The following KCNN1 variants were observed in gnomAD, a reference collection of about 807,000 sequenced individuals.
KCNN1 encodes the protein small conductance calcium-activated potassium channel protein 1.
In KCNN1, 20 loss-of-function variants were observed where a neutral mutation model predicts 44.7. That is an observed-to-expected ratio of 0.45 (90% CI 0.32 to 0.65). KCNN1 has a LOEUF of 0.65. Ranked by LOEUF, KCNN1 falls within the 30% of genes least tolerant of loss-of-function variation. The probability of loss-of-function intolerance (pLI) is 0.05; values close to 1 mark genes in which losing one functional copy is unlikely to be tolerated. For missense variants in KCNN1, 632 were observed against 785.3 expected (o/e 0.80, Z 2.33); for synonymous variants, 324 against 341.7 (o/e 0.95, Z 0.57).
chr19:17,990,510 G>GA (rs1224540205), intron 7 of KCNN1, among the ~76,000 whole-genome samples: 27 of 144,506 alleles, frequency 1.9e-4, no homozygotes, highest in Admixed American at 1.8e-3. Context: ...AAAAGAAAAA[G>GA]AAAAAAAAGG....
intron 2 of KCNN1, among the ~76,000 whole-genome samples, chr19:17,961,203 A>C (rs112091344): frequency 2.7e-5 from 4 of 150,228 alleles, no homozygotes; most frequent in African/African-American, 4.9e-5. Context: ...AAAAAAAAAA[A>C]AAACCCAGAA....
chr19:17,969,808 G>A (rs1419217001), intron 1 of KCNN1, among the ~76,000 whole-genome samples: 5 of 152,226 alleles, frequency 3.3e-5, no homozygotes, highest in African/African-American at 9.6e-5. Context: ...GCACCCTCGG[G>A]GATGGTGGAA....
Position 17,989,795 on chromosome 19 carries a change from A to G in KCNN1, c.1250A>G (p.Gln417Arg). 6.2e-7 allele frequency: 1 copy of G among 1,613,968 alleles called. No homozygotes were observed. Among genetic ancestry groups the G allele is most frequent in the Non-Finnish European group, 8.5e-7 (1 of 1,179,884 alleles). Reference protein sequence around the residue: ...KHTRLVKKPDQARVRKHQRKF... With the variant: ...KHTRLVKKPDRARVRKHQRKF... ...ACCAGGCTGGTGAAGAAGCCAGACC[A>G]AGCCCGGGTTCGGAAACACCAGCGT... The change falls in exon 7 of 10, where the codon CAA (glutamine) becomes CGA (arginine). Residue 417 changes from glutamine (Q) to arginine (R), a missense_variant. This residue lies in a region of KCNN1 where 237 missense variants were observed against 253.0 expected (regional missense o/e 0.94). Transcript: ENST00000684775.
chr19:17,975,628 C>A (rs2032181559), intron 3 of KCNN1, among the ~76,000 whole-genome samples: 1 of 151,956 alleles, frequency 6.6e-6, no homozygotes, highest in African/African-American at 2.4e-5. Flanking sequence ...ACCATGTTGG[C>A]CAGGCTGGTC....
At position 17,969,156 on chromosome 19, in the gene KCNN1, G is replaced by A. The variant is rs374942865; in HGVS notation, c.-82+1839G>A. Among the ~76,000 whole-genome samples the A allele has an allele frequency of 1.4e-4, 22 of 152,158 alleles. No individual in the cohort carries two copies. The East Asian group carries it at 4.3e-3, about 30-fold the overall frequency. ...CAGATTGCAGTGGGGGAGGGGATGT[G>A]TACCCAGGAATGGGGAAGGCCCAGG... On this transcript the variant is annotated intron_variant, in intron 1 of 9. Coordinates refer to ENST00000684775, the MANE Select transcript of KCNN1 (RefSeq NM_001386974.1).
rs747554238 is a variant in KCNN1 at position 17,989,726 on chromosome 19, C to T, written c.1181C>T (p.Ala394Val). The change falls in exon 7 of 10, where the codon GCC becomes GTC. Residue 394 changes from alanine to valine, a missense_variant. Physicochemically the swap from Ala to Val is moderately conservative, Grantham distance 64. Transcript: ENST00000684775. ...TTTTTCTGGCCCCAGGTAAAAAACG[C>T]CGCTGCTAACGTTCTCAGGGAGACG... ...DTQLTKRVKN[A>V]AANVLRETWL... 6.2e-7 allele frequency: 1 copy of T among 1,613,886 alleles called. No homozygotes were observed. The highest frequency in any genetic ancestry group is 1.1e-5 in the South Asian group (1 of 91,074).
At chr19:17,959,297 C>T (rs998069388) in intron 2 of KCNN1, among the ~76,000 whole-genome samples, 8 of 151,388 alleles carry the variant, frequency 5.3e-5, no homozygotes, top group South Asian at 4.2e-4. Flanking sequence ...CTCGCTCTGT[C>T]GCCCAGGCTG....
At position 17,990,185 on chromosome 19, in the gene KCNN1, T is replaced by C. The variant is rs147074640; in HGVS notation, c.1298+342T>C. 4.6e-3 allele frequency: 2,109 copies of C among 453,962 alleles called. 10 individuals are homozygous for C. The highest frequency in any genetic ancestry group is 6.3e-3 in the Middle Eastern group (19 of 3,012). 28.1% of individuals were successfully genotyped at this position (453,962 alleles called of 1,614,324 possible). A position where few individuals can be genotyped will look rare whatever the true frequency, so the allele number is the denominator to read the frequency against. ...ATCCATGGTCTGATCCATGGGATCA[T>C]GTAGGATAACTAGAAATGAATTGGG... On this transcript the variant is annotated intron_variant, in intron 7 of 9. Coordinates refer to ENST00000684775, the MANE Select transcript of KCNN1 (RefSeq NM_001386974.1).
Position 17,993,404 on chromosome 19 carries a change from CGGGTG to C in KCNN1, c.1308-83_1308-79del. Reference sequence around the variant, plus strand: ...CTGATGCATGTCCCATAGGTGACCCCGGGTGGGTGCATGAAAGTCCCTGCCCCCAC... The same window carrying C: ...CTGATGCATGTCCCATAGGTGACCCCGGTGCATGAAAGTCCCTGCCCCCAC... On this transcript the variant is annotated intron_variant, in intron 8 of 9. Transcript: ENST00000684775. The surrounding 1 kb of genome is among the most constrained non-coding windows in gnomAD (Gnocchi z 4.5). The C allele has an allele frequency of 1.0e-6, 1 of 972,800 alleles. No individual in the cohort carries two copies. The highest frequency in any genetic ancestry group is 1.4e-5 in the South Asian group (1 of 72,270). 60.3% of individuals were successfully genotyped at this position (972,800 alleles called of 1,614,324 possible). A position where few individuals can be genotyped will look rare whatever the true frequency, so the allele number is the denominator to read the frequency against.
chr19:17,993,688 C>A lies in KCNN1; in HGVS notation c.1377+129C>A. On this transcript the variant is annotated intron_variant, in intron 9 of 9. Coordinates refer to ENST00000684775, the MANE Select transcript of KCNN1 (RefSeq NM_001386974.1). This position sits in a 1 kb window ranked among gnomAD's most constrained non-coding sequence, Gnocchi z 4.5. ...GGGCTGAGTGCAGTGGCGGGCGGAT[C>A]GCTTGAGCTCAGGAGTTTGAGACCA... 2 of 723,196 alleles carry A rather than the reference C, an allele frequency of 2.8e-6. No homozygotes were observed. The highest frequency in any genetic ancestry group is 3.1e-5 in the South Asian group (2 of 63,736). The allele number at this position is 723,196 out of a possible 1,614,324, so 44.8% of individuals were successfully genotyped here. A position where few individuals can be genotyped will look rare whatever the true frequency, so the allele number is the denominator to read the frequency against.
chr19:17,979,661 GC>G, intron 3 of KCNN1, among the ~76,000 whole-genome samples: 1 of 152,078 alleles, frequency 6.6e-6, no homozygotes, highest in South Asian at 2.1e-4. Flanking sequence ...CCTAGGACTG[GC>G]CCTGGATATG....
intron 6 of KCNN1, 136 bp from the exon 7 acceptor site, chr19:17,989,580 G>A: frequency 2.4e-6 from 3 of 1,226,210 alleles, no homozygotes; most frequent in Admixed American, 2.0e-5. Context: ...GTACAAGCAT[G>A]GCCCTGCCTT....
At chr19:17,953,610 A>G (rs1467019333) in intron 1 of KCNN1, among the ~76,000 whole-genome samples, 1 of 152,226 alleles carries the variant, frequency 6.6e-6, no homozygotes, top group African/African-American at 2.4e-5. Context: ...CAAGGGAGCT[A>G]CAGGCTCCCA....
intron 1 of KCNN1, among the ~76,000 whole-genome samples, chr19:17,953,708 G>A (rs775147133): frequency 1.3e-5 from 2 of 152,182 alleles, no homozygotes; most frequent in Non-Finnish European, 2.9e-5. Context: ...TTGGAAGGGC[G>A]AGGCAAGCTC....
upstream of KCNN1, among the ~76,000 whole-genome samples, chr19:17,963,235 G>C (rs568803376): frequency 6.3e-4 from 96 of 151,364 alleles, no homozygotes; most frequent in African/African-American, 2.0e-3. Context: ...GGATGGTCTC[G>C]ATCTCCTGAC....
intron 9 of KCNN1, among the ~76,000 whole-genome samples, chr19:17,997,831 G>A (rs180738908): frequency 1.3e-5 from 2 of 151,976 alleles, no homozygotes; most frequent in Admixed American, 6.5e-5. Flanking sequence ...CCGGAAAGAG[G>A]AGGTTGTAAT....
In KCNN1 at chr19:17,998,117, G is replaced by C. The variant is rs753514903; in HGVS notation, c.1378-35G>C. 5.2e-6 allele frequency: 8 copies of C among 1,538,426 alleles called. No individual in the cohort carries two copies. The highest frequency in any genetic ancestry group is 4.1e-5 in the African/African-American group (3 of 73,068). On this transcript the variant is annotated intron_variant, in intron 9 of 9. Transcript: ENST00000684775. The surrounding 1 kb of genome is among the most constrained non-coding windows in gnomAD (Gnocchi z 5.4). ...ATCGTCCTTTCCTCTCTCACTCAGC[G>C]GCGCCTCTCTCCTGCCCCTCTCTGT...
upstream of KCNN1, among the ~76,000 whole-genome samples, chr19:17,963,854 G>A (rs1022407530): frequency 6.6e-6 from 1 of 152,014 alleles, no homozygotes; most frequent in Admixed American, 6.6e-5. Context: ...GCCGCCCGAA[G>A]GAGCTGGGAC....
At chr19:17,988,615 G>A in intron 6 of KCNN1, 90 bp downstream of exon 6, 1 of 968,288 alleles carries the variant, frequency 1.0e-6, no homozygotes, top group Non-Finnish European at 1.6e-6. Context: ...TGCCGGGCAT[G>A]CTCATGTGCC....
Sources: allele counts gnomAD v4.1 joint callset (sites outside exome capture counted in the v4.1 genomes callset), GRCh38; gene constraint gnomAD v4.1.1; regional missense constraint gnomAD v4.1.1; non-coding constraint Gnocchi (gnomAD v3.1); transcripts MANE v1.5; gene names NCBI Gene and HGNC (gene_info 2026-07-23, HGNC 2026-07-21).